Variants in SEMA3A observed in about 807,000 individuals in gnomAD.
SEMA3A encodes the protein semaphorin-3A.
Under a neutral mutation model 97.9 loss-of-function variants are expected in SEMA3A, and 29 were observed. The ratio of observed to expected loss-of-function variants is 0.30; its 90% confidence interval spans 0.22 to 0.40. The LOEUF is 0.40. Ranked by LOEUF, SEMA3A falls within the 10% of genes least tolerant of loss-of-function variation. The probability of loss-of-function intolerance (pLI) is 1.00; values close to 1 mark genes in which losing one functional copy is unlikely to be tolerated. For missense variants in SEMA3A, 763 were observed against 951.3 expected, an observed-to-expected ratio of 0.80 and a Z score of 2.60; for synonymous variants, 321 against 323.7, an observed-to-expected ratio of 0.99 and a Z score of 0.09.
chr7:84,167,719 T>C (rs1245329746), intron 1 of SEMA3A, among the ~76,000 whole-genome samples: 1 of 152,162 alleles, frequency 6.6e-6, no homozygotes, highest in Admixed American at 6.6e-5. Flanking sequence ...GATACACAGT[T>C]TGAGAATTCC....
At chr7:84,132,955 A>G (rs1478638135) in intron 2 of SEMA3A, among the ~76,000 whole-genome samples, 3 of 152,120 alleles carry the variant, frequency 2.0e-5, no homozygotes, top group Non-Finnish European at 4.4e-5. Context: ...GATTACAGAC[A>G]TGAGCCACCG....
intron 3 of SEMA3A, among the ~76,000 whole-genome samples, chr7:84,116,561 A>T (rs1795436154): frequency 6.6e-6 from 1 of 152,202 alleles, no homozygotes; most frequent in South Asian, 2.1e-4. Flanking sequence ...CCATCTGGGA[A>T]TATGACTCTA....
intron 1 of SEMA3A, among the ~76,000 whole-genome samples, chr7:84,387,619 C>T (rs1803432076): frequency 6.6e-6 from 1 of 152,088 alleles, no homozygotes; most frequent in South Asian, 2.1e-4. Flanking sequence ...TCATTGGAAA[C>T]TGGTTAAATA....
intron 2 of SEMA3A, among the ~76,000 whole-genome samples, chr7:84,132,296 AC>A (rs1415449032): frequency 2.0e-5 from 3 of 152,192 alleles, no homozygotes; most frequent in African/African-American, 4.8e-5. Context: ...CAAATCATTT[AC>A]CTTGTAATTC....
chr7:84,067,274 A>G (rs1793549498), intron 4 of SEMA3A, among the ~76,000 whole-genome samples: 1 of 152,150 alleles, frequency 6.6e-6, no homozygotes, highest in Non-Finnish European at 1.5e-5. Flanking sequence ...AATCAATTCA[A>G]GATGGATTAA....
chr7:83,967,755 AAAAC>A (rs924027428), intron 15 of SEMA3A, among the ~76,000 whole-genome samples: 7 of 152,262 alleles, frequency 4.6e-5, no homozygotes, highest in South Asian at 2.1e-4. Context: ...ACTCAGTCTC[AAAAC>A]AAACAAACAA....
intron 1 of SEMA3A, among the ~76,000 whole-genome samples, chr7:84,473,577 C>G (rs998036555): frequency 3.3e-5 from 5 of 151,624 alleles, no homozygotes; most frequent in African/African-American, 9.7e-5. Context: ...TTAGTAGAGA[C>G]AGGGTTTCAA....
intron 2 of SEMA3A, among the ~76,000 whole-genome samples, chr7:84,363,299 A>C (rs1426233661): frequency 2.6e-5 from 4 of 151,970 alleles, no homozygotes; most frequent in African/African-American, 9.7e-5. Context: ...GAGAGAAAAC[A>C]GTTCAGTGAT....
chr7:84,369,780 TA>T (rs534655446), intron 2 of SEMA3A, among the ~76,000 whole-genome samples: 6 of 149,428 alleles, frequency 4.0e-5, no homozygotes, highest in African/African-American at 1.2e-4. Flanking sequence ...ATATATATAA[TA>T]AAAATAACAT....
chr7:84,438,824 T>C (rs1043469092), intron 1 of SEMA3A, among the ~76,000 whole-genome samples: 3 of 152,022 alleles, frequency 2.0e-5, no homozygotes, highest in African/African-American at 7.2e-5. Flanking sequence ...ATAGTCTACA[T>C]ATTATAATAA....
At chr7:83,976,415 G>A (rs899071485) in intron 15 of SEMA3A, among the ~76,000 whole-genome samples, 1 of 152,038 alleles carries the variant, frequency 6.6e-6, no homozygotes, top group African/African-American at 2.4e-5. Flanking sequence ...TCATTGATAA[G>A]TTCCCCCAGC....
intron 1 of SEMA3A, among the ~76,000 whole-genome samples, chr7:84,162,196 A>G (rs1797056844): frequency 6.6e-6 from 1 of 152,232 alleles, no homozygotes; most frequent in African/African-American, 2.4e-5. Flanking sequence ...AATTTGTTCC[A>G]AAATGCCATT....
At chr7:84,062,428 G>T (rs1204632860) in intron 4 of SEMA3A, among the ~76,000 whole-genome samples, 1 of 152,198 alleles carries the variant, frequency 6.6e-6, no homozygotes, top group Non-Finnish European at 1.5e-5. Flanking sequence ...CAAGATGGCC[G>T]AATAGGAACA....
chr7:84,359,964 T>C (rs561620039), intron 2 of SEMA3A, among the ~76,000 whole-genome samples: 3 of 150,382 alleles, frequency 2.0e-5, no homozygotes, highest in East Asian at 4.0e-4. Context: ...AGTTTGTATT[T>C]CTGTGGGATC....
chr7:84,279,834 G>T (rs1401728428), intron 3 of SEMA3A, among the ~76,000 whole-genome samples: 1 of 152,092 alleles, frequency 6.6e-6, no homozygotes, highest in Non-Finnish European at 1.5e-5. Flanking sequence ...TGGATCCATG[G>T]TCTCCATTGT....
chr7:83,995,912 T>C (rs375662184), intron 12 of SEMA3A, among the ~76,000 whole-genome samples: 10 of 152,338 alleles, frequency 6.6e-5, no homozygotes, highest in African/African-American at 2.2e-4. Context: ...AAAGTATCAA[T>C]TATGTTTTCA....
At chr7:84,248,009 C>T (rs753954554) in intron 3 of SEMA3A, among the ~76,000 whole-genome samples, 38 of 152,070 alleles carry the variant, frequency 2.5e-4, no homozygotes, top group Non-Finnish European at 7.4e-5. Context: ...ATGAATAATT[C>T]TGCTTTGTGT....
chr7:84,441,119 T>C (rs1475338030), intron 1 of SEMA3A, among the ~76,000 whole-genome samples: 1 of 151,536 alleles, frequency 6.6e-6, no homozygotes. Context: ...GATTGCACTA[T>C]TGCACTCCAG....
intron 5 of SEMA3A, among the ~76,000 whole-genome samples, chr7:84,055,139 GGTTACTGCT>G (rs1792898384): frequency 6.6e-6 from 1 of 152,068 alleles, no homozygotes; most frequent in African/African-American, 2.4e-5. Context: ...AGTCTGCAGA[GGTTACTGCT>G]GTCTTTTTGT....
Sources: gnomAD v4.1 joint callset for allele counts (sites outside exome capture counted in the v4.1 genomes callset) on GRCh38, gnomAD v4.1.1 for gene constraint, MANE v1.5 for transcripts, NCBI Gene and HGNC (gene_info 2026-07-23, HGNC 2026-07-21) for gene names.